Variants in CLIC6 observed in about 807,000 individuals in gnomAD.
CLIC6 encodes CLIC family member 6, also known as chloride intracellular channel protein 6.
CLIC6 carries 39 observed loss-of-function variants against 49.2 expected under a neutral mutation model. The ratio of observed to expected loss-of-function variants is 0.79; its 90% CI spans 0.61 to 1.04. The LOEUF is 1.04. Among genes scored for constraint, CLIC6 ranks in the 50% least tolerant of loss-of-function variants. The pLI, the probability that CLIC6 is intolerant of heterozygous loss-of-function variation, is 0.00. For synonymous variants in CLIC6, 446 were observed against 433.4 expected (o/e 1.03, Z -0.36); for missense variants, 988 against 993.1 (o/e 0.99, Z 0.07).
At chr21:34,699,608 G>A (rs1254354767) in intron 1 of CLIC6, among the ~76,000 whole-genome samples, 3 of 151,846 alleles carry the variant, frequency 2.0e-5, no homozygotes, top group African/African-American at 7.3e-5. Context: ...TTGCTTTTTG[G>A]AGGATATTCT....
At chr21:34,706,009 C>A (rs1341633710) in intron 1 of CLIC6, 1 of 675,910 alleles carries the variant, frequency 1.5e-6, no homozygotes, top group Non-Finnish European at 2.7e-6. Flanking sequence ...TTTTAACATT[C>A]TTTTCTTTTG....
Position 34,678,103 on chromosome 21 carries a change from A to G in CLIC6, c.1374+7341A>G, listed in dbSNP as rs551411169. On this transcript the variant is annotated intron_variant, in intron 1 of 5. Transcript: ENST00000349499. ...AGATGCAACAGAGACTCTGTGGACC[A>G]CAAAGCCCACAATATTTATTACTGG... Among the ~76,000 whole-genome samples, 217 of 148,472 alleles carry G rather than the reference A, an allele frequency of 1.5e-3. 1 individual carries two copies. Among genetic ancestry groups the G allele is most frequent in the African/African-American group, 5.0e-3 (200 of 40,042 alleles).
At chr21:34,675,970 A>G (rs574188661) in intron 1 of CLIC6, among the ~76,000 whole-genome samples, 1 of 152,314 alleles carries the variant, frequency 6.6e-6, no homozygotes, top group Non-Finnish European at 1.5e-5. Flanking sequence ...CTTTCCTGCC[A>G]TGTGCACACA....
intron 1 of CLIC6, among the ~76,000 whole-genome samples, chr21:34,680,544 A>G (rs1356264938): frequency 6.6e-6 from 1 of 152,208 alleles, no homozygotes; most frequent in African/African-American, 2.4e-5. Context: ...TTCTTTTTCT[A>G]TCACATCATC....
intron 1 of CLIC6, among the ~76,000 whole-genome samples, chr21:34,695,934 AG>A: frequency 6.6e-6 from 1 of 152,326 alleles, no homozygotes; most frequent in African/African-American, 2.4e-5. Flanking sequence ...GTTGGAAGAA[AG>A]GGTGGAATTG....
chr21:34,678,058 T>C (rs976787147), intron 1 of CLIC6, among the ~76,000 whole-genome samples: 16 of 152,182 alleles, frequency 1.1e-4, no homozygotes, highest in African/African-American at 3.9e-4. Context: ...CTCCTTTCAC[T>C]TTCAACAGCA....
intron 1 of CLIC6, among the ~76,000 whole-genome samples, chr21:34,691,716 T>G (rs1989998351): frequency 6.6e-6 from 1 of 152,232 alleles, no homozygotes. Flanking sequence ...ATTGTGCAAT[T>G]GCCTTGCTCC....
At position 34,713,419 on chromosome 21, in the gene CLIC6, A is replaced by G. The variant is rs548388541; in HGVS notation, c.1900-2902A>G. Among the ~76,000 whole-genome samples, 4 of 152,360 alleles carry G rather than the reference A, an allele frequency of 2.6e-5. No individual in the cohort carries two copies. The South Asian group carries it at 6.2e-4, about 24-fold the overall frequency. Reference sequence around the variant, plus strand: ...AAGTAAAGACAAATAAAAGAACTGCAGAAATAAAAGTCCTGTTAGAAGCAG... The same window carrying G: ...AAGTAAAGACAAATAAAAGAACTGCGGAAATAAAAGTCCTGTTAGAAGCAG... On this transcript the variant is annotated intron_variant, in intron 5 of 5. Coordinates refer to ENST00000349499, the MANE Select transcript of CLIC6 (RefSeq NM_053277.3).
intron 2 of CLIC6, 81 bp downstream of exon 2, chr21:34,707,470 C>CACACACACACACACACACACA (rs56805539): frequency 1.6e-5 from 14 of 886,656 alleles, no homozygotes; most frequent in African/African-American, 1.3e-4. Context: ...CACACACACA[C>CACACACACACACACACACACA]CTGAGGCCAA....
chr21:34,702,097 G>A (rs963867581), intron 1 of CLIC6, among the ~76,000 whole-genome samples: 1 of 152,172 alleles, frequency 6.6e-6, no homozygotes, highest in African/African-American at 2.4e-5. Flanking sequence ...CAGGCGCATG[G>A]GAGCCACTGG....
At chr21:34,688,312 T>A (rs1205531802) in intron 1 of CLIC6, among the ~76,000 whole-genome samples, 1 of 152,204 alleles carries the variant, frequency 6.6e-6, no homozygotes, top group Non-Finnish European at 1.5e-5. Context: ...TTATTTCTGC[T>A]GCTGGGTTTT....
intron 1 of CLIC6, among the ~76,000 whole-genome samples, chr21:34,702,723 G>A (rs1271507212): frequency 3.3e-5 from 5 of 152,206 alleles, no homozygotes; most frequent in Admixed American, 1.3e-4. Flanking sequence ...AGGCCACTGG[G>A]CATCCAGCAA....
intron 1 of CLIC6, among the ~76,000 whole-genome samples, chr21:34,675,831 A>G (rs889397803): frequency 6.6e-6 from 1 of 152,154 alleles, no homozygotes; most frequent in Non-Finnish European, 1.5e-5. Context: ...GCTAATTGGT[A>G]AGACACAAGC....
Position 34,669,463 on chromosome 21 carries a change from T to C in CLIC6, c.75T>C (p.Ala25=), listed in dbSNP as rs1397325176. Residue 25 remains alanine, a synonymous_variant, in exon 1 of 6, where the codon GCT becomes GCC. Coordinates refer to ENST00000349499, the MANE Select transcript of CLIC6 (RefSeq NM_053277.3). The part of the protein sequence containing the change: ...QGPPEVPAPL[A]ERPGEPGAAG... ...CGCCGGAGGTCCCCGCGCCTCTGGC[T>C]GAGAGACCCGGAGAGCCAGGAGCCG... 2 of 1,233,272 alleles carry C rather than the reference T, an allele frequency of 1.6e-6. No homozygotes were observed. Among genetic ancestry groups the C allele is most frequent in the Non-Finnish European group, 2.0e-6 (2 of 989,264 alleles). 76.4% of individuals were successfully genotyped at this position (1,233,272 alleles called of 1,614,324 possible). A position where few individuals can be genotyped will look rare whatever the true frequency, so the allele number is the denominator to read the frequency against.
intron 1 of CLIC6, among the ~76,000 whole-genome samples, chr21:34,689,026 T>G (rs1472728057): frequency 6.6e-6 from 1 of 152,152 alleles, no homozygotes. Flanking sequence ...GCTCTCAGTG[T>G]GGGGTGAGGG....
intron 1 of CLIC6, 135 bp downstream of exon 1, chr21:34,670,897 G>A (rs568345156): frequency 2.9e-6 from 3 of 1,048,848 alleles, no homozygotes; most frequent in South Asian, 3.5e-5. Context: ...CCATGCGCGG[G>A]CGGTAGGCGG....
chr21:34,670,454 G>T lies in CLIC6; in HGVS notation c.1066G>T (p.Glu356Ter), dbSNP rs1392164138. ...CGGGGACGCAAGGGCAGACGCTGGC[G>T]AGGACAGGGTAGGGGATGGGCCACA... is the stretch of plus-strand genomic sequence containing the variant. Reference protein sequence around the residue: ...APGDARADAGEDRVGDGPQQE... With the variant: ...APGDARADAG The change falls in exon 1 of 6, where the codon GAG (glutamate) becomes TAG (stop). Residue 356 changes from glutamate to a stop codon, truncating the protein, a stop_gained. Transcript: ENST00000349499. LOFTEE classifies it high-confidence loss of function. 14 of 1,473,988 alleles carry T rather than the reference G, an allele frequency of 9.5e-6. No individual in the cohort carries two copies. Among genetic ancestry groups the T allele is most frequent in the Non-Finnish European group, 1.3e-5 (14 of 1,113,178 alleles). 91.3% of individuals were successfully genotyped at this position (1,473,988 alleles called of 1,614,324 possible).
At chr21:34,691,758 G>A (rs544394727) in intron 1 of CLIC6, among the ~76,000 whole-genome samples, 43 of 152,280 alleles carry the variant, frequency 2.8e-4, no homozygotes, top group Admixed American at 6.5e-4. Flanking sequence ...GCTGAGAGCC[G>A]TTCATTTGCG....
intron 5 of CLIC6, among the ~76,000 whole-genome samples, chr21:34,712,649 C>T (rs1465810616): frequency 6.6e-6 from 1 of 152,132 alleles, no homozygotes; most frequent in East Asian, 1.9e-4. Context: ...GGCTGTGACC[C>T]AGCACCTAAT....
Sources: allele counts gnomAD v4.1 joint callset (sites outside exome capture counted in the v4.1 genomes callset), GRCh38; gene constraint gnomAD v4.1.1; transcripts MANE v1.5; gene names NCBI Gene and HGNC (gene_info 2026-07-23, HGNC 2026-07-21).